The following NRG3 variants were observed in gnomAD, a reference collection of about 807,000 sequenced individuals.
NRG3 encodes the protein neuregulin 3.
A neutral mutation model predicts 66.9 loss-of-function variants in NRG3; 31 were observed. The observed-to-expected ratio is 0.46, with a 90% CI of 0.35 to 0.63. The LOEUF (loss-of-function observed/expected upper bound fraction) is 0.63, where lower values mean the gene tolerates loss of function less well. Ranked by LOEUF, NRG3 falls within the 20% of genes least tolerant of loss-of-function variation. The pLI is 0.00. For missense variants in NRG3, 910 were observed against 878.9 expected (o/e 1.04, Z -0.45); for synonymous variants, 393 against 359.4 (o/e 1.09, Z -1.06).
At chr10:82,673,609 T>A (rs2053455218) in intron 2 of NRG3, among the ~76,000 whole-genome samples, 1 of 152,124 alleles carries the variant, frequency 6.6e-6, no homozygotes. Flanking sequence ...CTGGCTTGAG[T>A]GCAGAATGAG....
intron 4 of NRG3, among the ~76,000 whole-genome samples, chr10:82,915,809 T>C (rs781624743): frequency 4.6e-5 from 7 of 152,240 alleles, no homozygotes; most frequent in Admixed American, 6.5e-5. Flanking sequence ...ATTCAGATGA[T>C]AATTTTTATT....
chr10:82,254,676 A>C (rs1289601210), intron 1 of NRG3, among the ~76,000 whole-genome samples: 1 of 146,908 alleles, frequency 6.8e-6, no homozygotes, highest in African/African-American at 2.5e-5. Context: ...CACACACACA[A>C]AACAAAAACA....
intron 2 of NRG3, among the ~76,000 whole-genome samples, chr10:82,437,323 G>T (rs777643930): frequency 6.6e-6 from 1 of 151,254 alleles, no homozygotes; most frequent in Non-Finnish European, 1.5e-5. Context: ...CTGCTTGGTC[G>T]ATTTGGCTGT....
intron 1 of NRG3, among the ~76,000 whole-genome samples, chr10:82,140,159 G>C (rs1183884156): frequency 6.6e-6 from 1 of 152,080 alleles, no homozygotes; most frequent in Non-Finnish European, 1.5e-5. Flanking sequence ...AATAGTCAAT[G>C]CTCTATTTTT....
intron 1 of NRG3, among the ~76,000 whole-genome samples, chr10:81,942,302 C>T (rs1392341862): frequency 1.3e-5 from 2 of 152,030 alleles, no homozygotes; most frequent in Admixed American, 6.6e-5. Context: ...GAATGCAAGT[C>T]CCAGCAGAAT....
At chr10:82,408,129 A>AAGAAAGAAAGAAAGAAAG (rs1564888442) in intron 2 of NRG3, among the ~76,000 whole-genome samples, 3 of 128,902 alleles carry the variant, frequency 2.3e-5, no homozygotes, top group African/African-American at 9.9e-5. Context: ...GAAAGAAAGA[A>AAGAAAGAAAGAAAGAAAG]AGAAAGAAAG....
intron 1 of NRG3, among the ~76,000 whole-genome samples, chr10:82,058,796 C>G (rs1308138488): frequency 1.3e-5 from 2 of 152,062 alleles, no homozygotes; most frequent in Non-Finnish European, 2.9e-5. Flanking sequence ...CTAGGCACTA[C>G]AGACAACTGA....
At chr10:82,952,514 T>C (rs1849641300) in intron 5 of NRG3, among the ~76,000 whole-genome samples, 1 of 145,980 alleles carries the variant, frequency 6.9e-6, no homozygotes, top group African/African-American at 2.6e-5. Context: ...TGTGTGTGTG[T>C]GTGTGTATTT....
intron 1 of NRG3, among the ~76,000 whole-genome samples, chr10:81,881,703 A>G (rs1275138636): frequency 6.6e-6 from 1 of 152,206 alleles, no homozygotes; most frequent in African/African-American, 2.4e-5. Flanking sequence ...TTAAAATAAA[A>G]CTTTTAATCA....
intron 8 of NRG3, among the ~76,000 whole-genome samples, chr10:82,981,066 T>C (rs1254160362): frequency 6.6e-6 from 1 of 152,212 alleles, no homozygotes; most frequent in Non-Finnish European, 1.5e-5. Flanking sequence ...TTTTTTTCTA[T>C]TGGGCACTGT....
At chr10:82,283,799 C>T (rs1435016589) in intron 1 of NRG3, among the ~76,000 whole-genome samples, 1 of 152,110 alleles carries the variant, frequency 6.6e-6, no homozygotes. Flanking sequence ...TCCCAATTCA[C>T]AAAATTGAAA....
chr10:82,817,083 G>T (rs1349694157), intron 3 of NRG3, among the ~76,000 whole-genome samples: 1 of 152,166 alleles, frequency 6.6e-6, no homozygotes. Flanking sequence ...CCTTTTCCAC[G>T]CTGCTGAAAA....
intron 1 of NRG3, among the ~76,000 whole-genome samples, chr10:82,311,459 C>T (rs899912127): frequency 3.3e-5 from 5 of 152,068 alleles, no homozygotes; most frequent in African/African-American, 1.2e-4. Flanking sequence ...AACAAATGTT[C>T]TCATGATTGG....
intron 1 of NRG3, among the ~76,000 whole-genome samples, chr10:82,083,075 G>A (rs902252801): frequency 2.0e-5 from 3 of 151,338 alleles, no homozygotes; most frequent in Non-Finnish European, 2.9e-5. Flanking sequence ...CAAAGTACTG[G>A]GATTACGAGT....
intron 1 of NRG3, among the ~76,000 whole-genome samples, chr10:82,083,993 T>C (rs2065562605): frequency 6.6e-6 from 1 of 151,686 alleles, no homozygotes; most frequent in Non-Finnish European, 1.5e-5. Context: ...TTCGGGAGGC[T>C]GAGGCGGGCG....
chr10:82,069,210 G>A lies in NRG3; in HGVS notation c.823+193047G>A, dbSNP rs371433243. Among the ~76,000 whole-genome samples the A allele has an allele frequency of 6.6e-5, 10 of 152,292 alleles. No individual in the cohort carries two copies. In the East Asian group the frequency reaches 1.5e-3, roughly 24 times the overall value. ...TGCAGATGGATTGGATAGGGGTCAGGTTGCATTGGAGTTTCTTAGAAGCTT... is the reference window on the plus strand; with the variant it reads ...TGCAGATGGATTGGATAGGGGTCAGATTGCATTGGAGTTTCTTAGAAGCTT... On this transcript the variant is annotated intron_variant, in intron 1 of 8. Transcript: ENST00000372141.
intron 4 of NRG3, among the ~76,000 whole-genome samples, chr10:82,946,968 T>A (rs1849088998): frequency 6.6e-6 from 1 of 152,170 alleles, no homozygotes; most frequent in Admixed American, 6.5e-5. Flanking sequence ...ATAGTTGACA[T>A]AAGATAAGCC....
intron 1 of NRG3, among the ~76,000 whole-genome samples, chr10:82,008,845 T>G (rs957389237): frequency 2.6e-5 from 4 of 152,178 alleles, no homozygotes; most frequent in African/African-American, 4.8e-5. Context: ...TGGTTAAGAC[T>G]GGGTTGGTCA....
chr10:82,471,640 G>A (rs766379311), intron 2 of NRG3, among the ~76,000 whole-genome samples: 33 of 152,264 alleles, frequency 2.2e-4, no homozygotes, highest in Admixed American at 5.2e-4. Context: ...ACTGGGCACG[G>A]TGGCTCATGC....
Sources: allele counts gnomAD v4.1 joint callset (sites outside exome capture counted in the v4.1 genomes callset), GRCh38; gene constraint gnomAD v4.1.1; transcripts MANE v1.5; gene names NCBI Gene and HGNC (gene_info 2026-07-23, HGNC 2026-07-21).